Variants in ERG observed in about 807,000 individuals in gnomAD.
The protein encoded by ERG is transcriptional regulator ERG.
ERG carries 9 observed loss-of-function variants against 55.3 expected under a neutral mutation model. That is an observed-to-expected ratio of 0.16 (90% confidence interval 0.10 to 0.28). The LOEUF is 0.28. ERG is among the 10% of genes least tolerant of loss of function. The pLI is 1.00. For missense variants in ERG, 434 were observed against 631.6 expected (o/e 0.69, Z 3.35); for synonymous variants, 223 against 237.3 (o/e 0.94, Z 0.55).
rs528629206 is a variant in ERG at position 38,475,243 on chromosome 21, G to A, written c.18+23120C>T. Among the ~76,000 whole-genome samples the A allele has an allele frequency of 1.6e-4, 24 of 152,308 alleles. 1 individual carries two copies. The South Asian group carries it at 4.8e-3, about 30-fold the overall frequency. On this transcript the variant is annotated intron_variant, in intron 1 of 9. Coordinates refer to ENST00000288319, the MANE Select transcript of ERG (RefSeq NM_182918.4). ...ATCAGTGGCAAGGGATGGGAGATGG[G>A]AAGAAGGGAGAAGGGAAGGGAAGCT...
intron 9 of ERG, among the ~76,000 whole-genome samples, chr21:38,386,241 T>C (rs926851185): frequency 6.6e-6 from 1 of 152,150 alleles, no homozygotes; most frequent in Non-Finnish European, 1.5e-5. Flanking sequence ...CTCAGGACTG[T>C]GAGAATTTCA....
intron 1 of ERG, among the ~76,000 whole-genome samples, chr21:38,480,053 G>A (rs1452589556): frequency 2.6e-5 from 4 of 152,076 alleles, no homozygotes; most frequent in Non-Finnish European, 5.9e-5. Flanking sequence ...CTGTGATACC[G>A]TGACAGTCGA....
At chr21:38,655,536 T>C (rs1300344248) in intron 1 of ERG, among the ~76,000 whole-genome samples, 1 of 152,216 alleles carries the variant, frequency 6.6e-6, no homozygotes. Flanking sequence ...TCCCCTCTTC[T>C]CACCCTTTAG....
intron 2 of ERG, among the ~76,000 whole-genome samples, chr21:38,444,151 C>T (rs2058867639): frequency 6.6e-6 from 1 of 152,186 alleles, no homozygotes; most frequent in Admixed American, 6.5e-5. Context: ...AACTATGACA[C>T]TTATAATAAA....
At chr21:38,426,324 C>T (rs930486993) in intron 2 of ERG, among the ~76,000 whole-genome samples, 20 of 152,208 alleles carry the variant, frequency 1.3e-4, no homozygotes, top group Admixed American at 3.9e-4. Flanking sequence ...ACTGAGTTTC[C>T]TATTCCTCTG....
chr21:38,512,260 C>T (rs2059518171), intron 2 of ERG, among the ~76,000 whole-genome samples: 1 of 152,076 alleles, frequency 6.6e-6, no homozygotes, highest in Non-Finnish European at 1.5e-5. Context: ...AATAAACCAC[C>T]ACACAATATT....
At chr21:38,459,627 G>C (rs1248317043) in intron 1 of ERG, among the ~76,000 whole-genome samples, 1 of 152,140 alleles carries the variant, frequency 6.6e-6, no homozygotes, top group Admixed American at 6.5e-5. Flanking sequence ...GAGTCAGATG[G>C]GCTAGAGATA....
intron 2 of ERG, among the ~76,000 whole-genome samples, chr21:38,433,359 A>G (rs925924691): frequency 2.0e-5 from 3 of 152,214 alleles, no homozygotes; most frequent in Non-Finnish European, 4.4e-5. Context: ...ATTTTTTAAG[A>G]TTAAATAAAA....
intron 1 of ERG, among the ~76,000 whole-genome samples, chr21:38,478,446 A>G (rs528603937): frequency 1.6e-4 from 24 of 152,272 alleles, no homozygotes; most frequent in Middle Eastern, 3.4e-3. Flanking sequence ...TCCCAGGAAC[A>G]CTGGGAGTTT....
At chr21:38,581,083 G>A (rs1001093235) in intron 1 of ERG, among the ~76,000 whole-genome samples, 38 of 152,290 alleles carry the variant, frequency 2.5e-4, no homozygotes, top group Admixed American at 2.5e-3. Context: ...CAGGAAACAG[G>A]CTGGTGCAGC....
intron 1 of ERG, chr21:38,450,775 G>A (rs1030619933): frequency 3.3e-5 from 13 of 398,308 alleles, no homozygotes; most frequent in African/African-American, 2.5e-4. Flanking sequence ...CTTATCCTAG[G>A]TATCAGGCAG....
chr21:38,567,324 T>C (rs2059929383), intron 2 of ERG, among the ~76,000 whole-genome samples: 1 of 152,228 alleles, frequency 6.6e-6, no homozygotes, highest in African/African-American at 2.4e-5. Context: ...TATTGTGCCA[T>C]ATTAAATATC....
intron 1 of ERG, among the ~76,000 whole-genome samples, chr21:38,593,244 G>A (rs1362901419): frequency 6.6e-6 from 1 of 152,180 alleles, no homozygotes. Flanking sequence ...AAAACAGACA[G>A]CATTTGAAAG....
At chr21:38,647,214 A>T (rs2060462594) in intron 1 of ERG, among the ~76,000 whole-genome samples, 1 of 152,216 alleles carries the variant, frequency 6.6e-6, no homozygotes, top group African/African-American at 2.4e-5. Flanking sequence ...ACGACAACCA[A>T]CAGAACATCA....
At chr21:38,387,240 T>TG (rs758783925) in intron 9 of ERG, among the ~76,000 whole-genome samples, 57 of 152,254 alleles carry the variant, frequency 3.7e-4, no homozygotes, top group African/African-American at 1.3e-3. Context: ...ACCAGTACCA[T>TG]GTGGCAGTGG....
At chr21:38,510,536 T>A (rs950784151) in intron 2 of ERG, among the ~76,000 whole-genome samples, 4 of 152,182 alleles carry the variant, frequency 2.6e-5, no homozygotes, top group African/African-American at 9.7e-5. Context: ...GTTGAAAATA[T>A]TTCAGTACTT....
chr21:38,656,010 A>G (rs2060516552), intron 1 of ERG, among the ~76,000 whole-genome samples: 1 of 151,782 alleles, frequency 6.6e-6, no homozygotes, highest in Non-Finnish European at 1.5e-5. Flanking sequence ...TCCCTCCCCT[A>G]CTCTTCACCG....
rs1051442824 is a variant in ERG, at chr21:38,383,996, C to T, written c.920-73G>A. 4.6e-5 allele frequency: 71 copies of T among 1,530,872 alleles called. No homozygotes were observed. Among genetic ancestry groups the T allele is most frequent in the Admixed American group, 1.2e-4 (6 of 51,794 alleles). The allele number at this position is 1,530,872 out of a possible 1,614,324, so 94.8% of individuals were successfully genotyped here. ...AGGGGAAAGAGGCTCTCTGTGATGA[C>T]GGAAGGAGGTGCTATTGGTGTGCCG... is the stretch of plus-strand genomic sequence containing the variant. On this transcript the variant is annotated intron_variant, in intron 9 of 9. Transcript: ENST00000288319. This position sits in a 1 kb window ranked among gnomAD's most constrained non-coding sequence, Gnocchi z 5.7.
In ERG at chr21:38,594,314, C is replaced by G. The variant is rs142844997; in HGVS notation, c.-149-9369G>C. On this transcript the variant is annotated intron_variant, in intron 1 of 10. Coordinates refer to the ERG transcript ENST00000398910. ...CATATTTAAAATAGAAATCATGAACCCCGCCACAAACATGCTTCCCCGACA... is the reference window on the plus strand; with the variant it reads ...CATATTTAAAATAGAAATCATGAACGCCGCCACAAACATGCTTCCCCGACA... 2.3e-3 allele frequency among the ~76,000 whole-genome samples: 346 copies of G among 152,064 alleles called. 1 individual carries two copies. The highest frequency in any genetic ancestry group is 7.9e-3 in the African/African-American group (326 of 41,478).
Sources: gnomAD v4.1 joint callset for allele counts (sites outside exome capture counted in the v4.1 genomes callset) on GRCh38, gnomAD v4.1.1 for gene constraint, Gnocchi (gnomAD v3.1) non-coding constraint, MANE v1.5 for transcripts, NCBI Gene and HGNC (gene_info 2026-07-23, HGNC 2026-07-21) for gene names.